XYLT1: variants seen among roughly 807,000 people sequenced by gnomAD.
The protein encoded by XYLT1 is beta-D-xylosyltransferase 1.
In XYLT1, 36 loss-of-function variants were observed where a neutral mutation model predicts 91.3. The ratio of observed to expected loss-of-function variants is 0.39; its 90% confidence interval spans 0.30 to 0.52. The LOEUF (loss-of-function observed/expected upper bound fraction) is 0.52. XYLT1 is among the 20% of genes least tolerant of loss of function. The probability of loss-of-function intolerance (pLI) is 0.68; values close to 1 mark genes in which losing one functional copy is unlikely to be tolerated. For missense variants in XYLT1, 1,242 were observed against 1,284.5 expected (o/e 0.97, Z 0.51); for synonymous variants, 588 against 532.0 (o/e 1.11, Z -1.45).
chr16:17,419,563 A>C (rs2036224162), intron 1 of XYLT1, among the ~76,000 whole-genome samples: 3 of 152,220 alleles, frequency 2.0e-5, no homozygotes, highest in African/African-American at 2.4e-5. Flanking sequence ...CTTTCAATTT[A>C]GCAGTAGCCA....
At chr16:17,177,359 C>A (rs1294872582) in intron 5 of XYLT1, among the ~76,000 whole-genome samples, 1 of 152,090 alleles carries the variant, frequency 6.6e-6, no homozygotes, top group African/African-American at 2.4e-5. Context: ...TTCCCTGGTC[C>A]TTTAGAAGAG....
chr16:17,418,529 G>A (rs1282064272), intron 1 of XYLT1, among the ~76,000 whole-genome samples: 1 of 150,446 alleles, frequency 6.6e-6, no homozygotes, highest in Non-Finnish European at 1.5e-5. Flanking sequence ...TGTCATGCCT[G>A]GAAAAAAGTT....
At chr16:17,166,879 C>T (rs140327043) in intron 5 of XYLT1, among the ~76,000 whole-genome samples, 7 of 152,178 alleles carry the variant, frequency 4.6e-5, no homozygotes, top group Admixed American at 1.3e-4. Context: ...CTCCTCCCTA[C>T]GTCTTTGCCC....
chr16:17,342,547 C>T (rs1361892161), intron 2 of XYLT1, among the ~76,000 whole-genome samples: 3 of 152,114 alleles, frequency 2.0e-5, no homozygotes, highest in African/African-American at 7.2e-5. Flanking sequence ...CATGGTGAAA[C>T]CCCATCTCTA....
chr16:17,243,827 C>T (rs1183286927), intron 3 of XYLT1, among the ~76,000 whole-genome samples: 1 of 152,144 alleles, frequency 6.6e-6, no homozygotes. Flanking sequence ...AGGCTTTTCA[C>T]ACCCAGGAGT....
At chr16:17,276,071 G>T (rs931078664) in intron 2 of XYLT1, among the ~76,000 whole-genome samples, 1 of 152,182 alleles carries the variant, frequency 6.6e-6, no homozygotes, top group East Asian at 1.9e-4. Context: ...GAGAGAGAAA[G>T]AAATAGGCTC....
chr16:17,343,986 C>T (rs779430275), intron 2 of XYLT1, among the ~76,000 whole-genome samples: 3 of 152,176 alleles, frequency 2.0e-5, no homozygotes, highest in Non-Finnish European at 4.4e-5. Context: ...TTACAGTCAA[C>T]GGGTGTTGAT....
At chr16:17,388,376 T>C (rs2035773645) in intron 1 of XYLT1, among the ~76,000 whole-genome samples, 1 of 152,174 alleles carries the variant, frequency 6.6e-6, no homozygotes, top group African/African-American at 2.4e-5. Context: ...GATTAGATGA[T>C]AAGCATGTAG....
At chr16:17,376,751 C>T (rs757404636) in intron 1 of XYLT1, among the ~76,000 whole-genome samples, 6 of 142,860 alleles carry the variant, frequency 4.2e-5, no homozygotes, top group Admixed American at 7.1e-5. Context: ...CGCTTGAATC[C>T]GGGAGGCGGA....
intron 1 of XYLT1, among the ~76,000 whole-genome samples, chr16:17,401,026 T>C (rs1379928420): frequency 6.6e-6 from 1 of 151,308 alleles, no homozygotes; most frequent in Non-Finnish European, 1.5e-5. Context: ...CTGTCTACAA[T>C]CTATTCTTCA....
At chr16:17,385,273 C>T (rs866789734) in intron 1 of XYLT1, among the ~76,000 whole-genome samples, 20,143 of 127,874 alleles carry the variant, frequency 0.16, 1,452 homozygotes, top group Middle Eastern at 0.2. Context: ...CACACATACA[C>T]ACACACACAC....
chr16:17,426,877 A>C (rs2141928021), intron 1 of XYLT1, among the ~76,000 whole-genome samples: 1 of 152,346 alleles, frequency 6.6e-6, no homozygotes, highest in Admixed American at 6.5e-5. Flanking sequence ...AAAAGATGAC[A>C]TTTGAGTGAA....
At chr16:17,124,327 T>G (rs1292262933) in intron 10 of XYLT1, among the ~76,000 whole-genome samples, 1 of 152,198 alleles carries the variant, frequency 6.6e-6, no homozygotes, top group African/African-American at 2.4e-5. Flanking sequence ...TTGGTAGTGG[T>G]GAATTATCTT....
chr16:17,275,059 A>C (rs140013672), intron 2 of XYLT1, among the ~76,000 whole-genome samples: 3,823 of 152,028 alleles, frequency 0.025, 145 homozygotes, highest in African/African-American at 0.086. Flanking sequence ...CGCCTGTAAT[A>C]CCAGCTACTC....
chr16:17,130,028 C>T (rs1305730806), intron 9 of XYLT1, among the ~76,000 whole-genome samples: 9 of 152,222 alleles, frequency 5.9e-5, no homozygotes, highest in Admixed American at 5.9e-4. Flanking sequence ...TTTCTGTTTG[C>T]TTTCTTGCTC....
chr16:17,383,752 C>CTTTTTTT (rs71373109), intron 1 of XYLT1, among the ~76,000 whole-genome samples: 1 of 135,594 alleles, frequency 7.4e-6, no homozygotes. Flanking sequence ...GTGGAATTTT[C>CTTTTTTT]TTTTTTTTTT....
chr16:17,332,124 C>T (rs2034906883), intron 2 of XYLT1, among the ~76,000 whole-genome samples: 1 of 152,246 alleles, frequency 6.6e-6, no homozygotes, highest in Non-Finnish European at 1.5e-5. Flanking sequence ...AACCGTGTGG[C>T]CCTGCATGGT....
At chr16:17,213,842 C>A (rs1317559901) in intron 3 of XYLT1, among the ~76,000 whole-genome samples, 1 of 152,154 alleles carries the variant, frequency 6.6e-6, no homozygotes, top group Admixed American at 6.5e-5. Flanking sequence ...TGGTCTTGAA[C>A]CCCTGACCTT....
At chr16:17,402,684 G>A (rs1271002573) in intron 1 of XYLT1, among the ~76,000 whole-genome samples, 1 of 151,372 alleles carries the variant, frequency 6.6e-6, no homozygotes, top group Non-Finnish European at 1.5e-5. Flanking sequence ...TCTTGATATT[G>A]AGCTTGTCTT....
Sources: allele counts gnomAD v4.1 joint callset (sites outside exome capture counted in the v4.1 genomes callset), GRCh38; gene constraint gnomAD v4.1.1; transcripts MANE v1.5; gene names NCBI Gene and HGNC (gene_info 2026-07-23, HGNC 2026-07-21).